PSME3IP1: variants seen among roughly 807,000 people sequenced by gnomAD.
PSME3IP1 encodes the protein proteasome activator subunit 3 interacting protein 1.
PSME3IP1 carries 13 observed loss-of-function variants against 34.1 expected under a neutral mutation model. That is an observed-to-expected ratio of 0.38 (90% CI 0.25 to 0.61). The LOEUF (loss-of-function observed/expected upper bound fraction) is 0.61. Ranked by LOEUF, PSME3IP1 falls within the 20% of genes least tolerant of loss-of-function variation. The pLI is 0.60. For missense variants in PSME3IP1, 237 were observed against 301.4 expected (o/e 0.79, Z 1.58); for synonymous variants, 93 against 114.3 (o/e 0.81, Z 1.19).
At chr16:57,182,088 C>A (rs1234999581) in intron 1 of PSME3IP1, among the ~76,000 whole-genome samples, 1 of 152,178 alleles carries the variant, frequency 6.6e-6, no homozygotes, top group Non-Finnish European at 1.5e-5. Context: ...AAGTGACCAG[C>A]CCCCATGCTA....
At chr16:57,183,153 G>A (rs2073884986) in intron 1 of PSME3IP1, among the ~76,000 whole-genome samples, 2 of 152,096 alleles carry the variant, frequency 1.3e-5, no homozygotes, top group East Asian at 1.9e-4. Flanking sequence ...CTGTGACGAT[G>A]CACAGTGAAA....
intron 6 of PSME3IP1, among the ~76,000 whole-genome samples, chr16:57,156,818 G>A (rs1246848863): frequency 6.6e-6 from 1 of 152,150 alleles, no homozygotes; most frequent in Non-Finnish European, 1.5e-5. Context: ...ATATTAGGAG[G>A]GAACATGTTA....
chr16:57,183,756 G>A (rs1429318352), intron 1 of PSME3IP1, among the ~76,000 whole-genome samples: 1 of 152,214 alleles, frequency 6.6e-6, no homozygotes, highest in Non-Finnish European at 1.5e-5. Context: ...GGACTTCTCT[G>A]ACCTAAAAGC....
Position 57,169,570 on chromosome 16 carries a change from C to T in PSME3IP1, c.349-2344G>A, listed in dbSNP as rs2072314464. ...CAGTTAAAGCCCTTATCCCTGGAGC[C>T]TCATTGTACTGCAATGTTACCAGGA... On this transcript the variant is annotated intron_variant, in intron 4 of 6. Transcript: ENST00000309137. 2.6e-5 allele frequency among the ~76,000 whole-genome samples: 4 copies of T among 152,152 alleles called. No homozygotes were observed. The South Asian group carries it at 8.3e-4, about 32-fold the overall frequency.
Position 57,154,262 on chromosome 16 carries a change from A to C in PSME3IP1, c.*28T>G. Reference sequence around the variant, plus strand: ...TGAACGGTCCGATCTACCCTTGGGGAGGAGCTCCCTGTGTAGGGACGGAGA... The same window carrying C: ...TGAACGGTCCGATCTACCCTTGGGGCGGAGCTCCCTGTGTAGGGACGGAGA... On this transcript the variant is annotated 3_prime_UTR_variant, in exon 7 of 7. Transcript: ENST00000309137. This position sits in a 1 kb window ranked among gnomAD's most constrained non-coding sequence, Gnocchi z 4.0. 3 of 1,596,488 alleles carry C rather than the reference A, an allele frequency of 1.9e-6. No individual in the cohort carries two copies. Among genetic ancestry groups the C allele is most frequent in the South Asian group, 1.1e-5 (1 of 90,686 alleles).
Position 57,183,635 on chromosome 16 carries a change from A to C in PSME3IP1, c.-16+2186T>G, listed in dbSNP as rs551043036. Among the ~76,000 whole-genome samples, 11 of 152,342 alleles carry C rather than the reference A, an allele frequency of 7.2e-5. No homozygotes were observed. In the East Asian group the frequency reaches 2.1e-3, roughly 29 times the overall value. On this transcript the variant is annotated intron_variant, in intron 1 of 6. Transcript: ENST00000309137. ...AGTGTAAGCTACCACGCCCAGCCAA[A>C]AATATTAATTCTTAAATAGAAAAGC...
chr16:57,170,918 C>G (rs1597693445), intron 4 of PSME3IP1, among the ~76,000 whole-genome samples: 1 of 152,232 alleles, frequency 6.6e-6, no homozygotes, highest in East Asian at 1.9e-4. Flanking sequence ...ACTAAAAATA[C>G]AAGAATTAGC....
At chr16:57,184,243 T>TAA (rs34543179) in intron 1 of PSME3IP1, among the ~76,000 whole-genome samples, 1,921 of 141,582 alleles carry the variant, frequency 0.014, 48 homozygotes, top group African/African-American at 0.047. Flanking sequence ...GTTAAATCGA[T>TAA]AAAAAAAAAA....
intron 6 of PSME3IP1, among the ~76,000 whole-genome samples, chr16:57,156,607 T>C (rs1567351975): frequency 6.6e-6 from 1 of 152,094 alleles, no homozygotes; most frequent in Non-Finnish European, 1.5e-5. Flanking sequence ...CGACAGTGGC[T>C]ACAGAGATAG....
In PSME3IP1 at chr16:57,172,842, G is replaced by A. The variant is rs1260491515; in HGVS notation, c.160C>T (p.Leu54=). Residue 54 remains leucine (L), a synonymous_variant, in exon 3 of 7, where the codon CTA becomes TTA. Transcript: ENST00000309137. ...CPEEVYDPRS[L]YERLQEQKDR... The stretch of plus-strand genomic sequence containing the variant: ...TTCTGTTCCTGTAGCCTTTCATATA[G>A]AGATCGAGGGTCATAAACCTCCTCT... 1 of 1,613,402 alleles carries A rather than the reference G, an allele frequency of 6.2e-7. No individual in the cohort carries two copies. The highest frequency in any genetic ancestry group is 8.5e-7 in the Non-Finnish European group (1 of 1,179,434).
At chr16:57,173,203 G>A (rs919921534) in intron 2 of PSME3IP1, among the ~76,000 whole-genome samples, 10 of 152,180 alleles carry the variant, frequency 6.6e-5, no homozygotes, top group Non-Finnish European at 1.0e-4. Flanking sequence ...ATGGAGGAGA[G>A]GAGCAGAATC....
chr16:57,157,816 C>A (rs1370839249), intron 6 of PSME3IP1, among the ~76,000 whole-genome samples: 4 of 152,094 alleles, frequency 2.6e-5, no homozygotes, highest in African/African-American at 9.7e-5. Flanking sequence ...CTTGGGTAGA[C>A]AATTTTTTAA....
intron 6 of PSME3IP1, among the ~76,000 whole-genome samples, chr16:57,156,858 G>T (rs1345797436): frequency 2.0e-5 from 3 of 152,216 alleles, no homozygotes; most frequent in Admixed American, 6.5e-5. Flanking sequence ...GCTGTTCAGG[G>T]AGTACAGAGA....
chr16:57,162,103 T>A (rs1373420829), intron 6 of PSME3IP1, among the ~76,000 whole-genome samples: 2 of 152,052 alleles, frequency 1.3e-5, no homozygotes, highest in Non-Finnish European at 2.9e-5. Context: ...GGTTTCTCCA[T>A]GTTGGTCAGG....
chr16:57,166,455 T>C (rs1047063435), intron 5 of PSME3IP1, among the ~76,000 whole-genome samples: 2 of 152,232 alleles, frequency 1.3e-5, no homozygotes, highest in Non-Finnish European at 2.9e-5. Flanking sequence ...CAGGATGCCT[T>C]TGCAGCAGCT....
At chr16:57,179,166 T>C (rs1241768281) in intron 1 of PSME3IP1, among the ~76,000 whole-genome samples, 1 of 148,368 alleles carries the variant, frequency 6.7e-6, no homozygotes, top group Non-Finnish European at 1.5e-5. Flanking sequence ...CAGCTTTCCT[T>C]TACTCACGTT....
intron 6 of PSME3IP1, among the ~76,000 whole-genome samples, chr16:57,155,969 C>CA (rs1191955895): frequency 6.6e-6 from 1 of 151,624 alleles, no homozygotes; most frequent in East Asian, 1.9e-4. Context: ...GACCCTGTCT[C>CA]AAAAAACAAA....
chr16:57,172,434 T>C, intron 3 of PSME3IP1, 62 bp from the exon 4 acceptor site: 1 of 1,556,442 alleles, frequency 6.4e-7, no homozygotes, highest in Non-Finnish European at 8.7e-7. Context: ...GATTTTTCCT[T>C]TCCCCTTTTT....
intron 5 of PSME3IP1, among the ~76,000 whole-genome samples, chr16:57,164,667 G>A (rs559405433): frequency 4.6e-5 from 7 of 152,294 alleles, no homozygotes; most frequent in East Asian, 1.9e-4. Flanking sequence ...CTCTAAGACT[G>A]GGGACATTAC....
Sources: gnomAD v4.1 joint callset for allele counts (sites outside exome capture counted in the v4.1 genomes callset) on GRCh38, gnomAD v4.1.1 for gene constraint, Gnocchi (gnomAD v3.1) non-coding constraint, MANE v1.5 for transcripts, NCBI Gene and HGNC (gene_info 2026-07-23, HGNC 2026-07-21) for gene names.